Variants in MAP7D2 observed in about 807,000 individuals in gnomAD.
MAP7D2 encodes MAP7 domain containing 2.
In MAP7D2, 33 loss-of-function variants were observed where a neutral mutation model predicts 63.5. That is an observed-to-expected ratio of 0.52 (90% CI 0.39 to 0.70). The LOEUF is 0.70. MAP7D2 is among the 30% of genes least tolerant of loss of function. The pLI, the probability that MAP7D2 is intolerant of heterozygous loss-of-function variation, is 0.00. For synonymous variants in MAP7D2, 224 were observed against 223.7 expected (o/e 1.00, Z -0.01); for missense variants, 626 against 604.0 (o/e 1.04, Z -0.38).
intron 1 of MAP7D2, among the ~76,000 whole-genome samples, chrX:20,094,870 G>A (rs1424470614): frequency 4.6e-5 from 5 of 107,704 alleles, no homozygotes; most frequent in Non-Finnish European, 1.9e-5. Flanking sequence ...CCTGTTTTAA[G>A]AGTATTATAC....
At chrX:20,100,008 G>A (rs184567904) in intron 1 of MAP7D2, among the ~76,000 whole-genome samples, 7 of 111,294 alleles carry the variant, frequency 6.3e-5, no homozygotes, top group South Asian at 3.9e-4. Flanking sequence ...GATCCTGGGG[G>A]CTGAGCAGAG....
rs761609912 is a variant in MAP7D2 at position 20,080,278 on chromosome X, A to G, written c.131-15473T>C. ...GCCTTCTTCCCTGTGCGGTGGTTGC[A>G]AGATCATCTCTCCTCCACCTTCATG... On this transcript the variant is annotated intron_variant, in intron 1 of 16. Coordinates refer to ENST00000379643, the MANE Select transcript of MAP7D2 (RefSeq NM_001168465.2). Among the ~76,000 whole-genome samples the G allele has an allele frequency of 4.5e-5, 5 of 110,485 alleles. No individual in the cohort carries two copies. In the East Asian group the frequency reaches 1.4e-3, roughly 32 times the overall value.
chrX:20,074,164 G>C (rs999156325), intron 1 of MAP7D2, among the ~76,000 whole-genome samples: 2 of 107,753 alleles, frequency 1.9e-5, no homozygotes, highest in Admixed American at 2.0e-4. Context: ...AAGAAATGGA[G>C]ACTTTAAAAC....
At chrX:20,108,317 C>T (rs1282557839) in intron 1 of MAP7D2, among the ~76,000 whole-genome samples, 2 of 109,800 alleles carry the variant, frequency 1.8e-5, no homozygotes, top group African/African-American at 3.3e-5. Context: ...TCACTGCAAC[C>T]TCCACCTCCC....
At chrX:20,057,514 C>G (rs2065096155) in intron 3 of MAP7D2, among the ~76,000 whole-genome samples, 1 of 111,421 alleles carries the variant, frequency 9.0e-6, no homozygotes, top group Non-Finnish European at 1.9e-5. Context: ...TCTCTCGTAA[C>G]AGTATTTATC....
chrX:20,093,179 T>C (rs929147698), intron 1 of MAP7D2, among the ~76,000 whole-genome samples: 2 of 111,918 alleles, frequency 1.8e-5, no homozygotes, highest in Non-Finnish European at 3.8e-5. Flanking sequence ...CATCCCTGGT[T>C]TGTTGGATGA....
chrX:20,056,800 T>C lies in MAP7D2; in HGVS notation c.373-9A>G, dbSNP rs1198312484. On this transcript the variant is annotated splice_polypyrimidine_tract_variant and intron_variant, in intron 3 of 16. Coordinates refer to ENST00000379643, the MANE Select transcript of MAP7D2 (RefSeq NM_001168465.2). ...ATCGCCTCCAGCCGTTCCTACACAGTTCGTGTAAGGCAAGTGTTAACAAGA... is the reference window on the plus strand; with the variant it reads ...ATCGCCTCCAGCCGTTCCTACACAGCTCGTGTAAGGCAAGTGTTAACAAGA... The C allele has an allele frequency of 3.1e-5, 37 of 1,198,138 alleles. No homozygotes were observed. The highest frequency in any genetic ancestry group is 4.2e-5 in the Non-Finnish European group (37 of 885,336).
intron 1 of MAP7D2, among the ~76,000 whole-genome samples, chrX:20,112,399 T>C (rs374961122): frequency 1.8e-5 from 2 of 111,853 alleles, no homozygotes; most frequent in East Asian, 5.6e-4. Context: ...GTCACAAGGC[T>C]TTTAAAAACA....
At chrX:20,055,831 A>T (rs778789693) in intron 4 of MAP7D2, 1 of 956,091 alleles carries the variant, frequency 1.0e-6, no homozygotes, top group Non-Finnish European at 1.4e-6. Flanking sequence ...TTTCTGATTC[A>T]CCTACACAGC....
intron 5 of MAP7D2, chrX:20,052,477 C>T (rs909162561): frequency 8.4e-6 from 2 of 239,429 alleles, no homozygotes; most frequent in Non-Finnish European, 1.6e-5. Flanking sequence ...ATCTAAGCCT[C>T]CCATATAACT....
chrX:20,022,685 G>A (rs1299567897), intron 10 of MAP7D2, among the ~76,000 whole-genome samples: 1 of 111,897 alleles, frequency 8.9e-6, no homozygotes, highest in Non-Finnish European at 1.9e-5. Context: ...GGTGTCTGAG[G>A]AGATGGGAAC....
At chrX:20,102,942 G>A (rs1194068923) in intron 1 of MAP7D2, among the ~76,000 whole-genome samples, 1 of 111,515 alleles carries the variant, frequency 9.0e-6, no homozygotes, top group East Asian at 2.8e-4. Context: ...TCATTGTACA[G>A]ACAAGCAACT....
At chrX:20,088,015 G>C (rs2148475751) in intron 1 of MAP7D2, among the ~76,000 whole-genome samples, 2 of 102,757 alleles carry the variant, frequency 1.9e-5, no homozygotes, top group South Asian at 9.0e-4. Context: ...TCAGCCTCCT[G>C]AATAGTTGGG....
intron 1 of MAP7D2, among the ~76,000 whole-genome samples, chrX:20,095,746 A>C (rs2066240669): frequency 8.9e-6 from 1 of 111,884 alleles, no homozygotes; most frequent in Non-Finnish European, 1.9e-5. Context: ...GGATAAACAA[A>C]ATGTGGTATA....
intron 1 of MAP7D2, among the ~76,000 whole-genome samples, chrX:20,111,635 T>C (rs1221839472): frequency 1.8e-5 from 2 of 111,244 alleles, no homozygotes; most frequent in Admixed American, 1.9e-4. Flanking sequence ...TGGGGATTCT[T>C]TGTGGGGTGG....
intron 10 of MAP7D2, among the ~76,000 whole-genome samples, chrX:20,019,781 G>A (rs1055978450): frequency 9.0e-6 from 1 of 111,472 alleles, no homozygotes; most frequent in African/African-American, 3.3e-5. Flanking sequence ...GTCTACTTGC[G>A]TCTGCTTCCC....
At chrX:20,094,487 C>CATATATATATATATAT (rs1216874865) in intron 1 of MAP7D2, among the ~76,000 whole-genome samples, 1 of 15,112 alleles carries the variant, frequency 6.6e-5, no homozygotes, top group Non-Finnish European at 1.0e-4. Flanking sequence ...AAAATACATA[C>CATATATATATATATAT]ATATATATAT....
chrX:20,115,239 TAAA>T (rs748101570), intron 1 of MAP7D2, among the ~76,000 whole-genome samples: 2 of 70,062 alleles, frequency 2.9e-5, no homozygotes, highest in Admixed American at 1.6e-4. Flanking sequence ...TTGTTTCCAT[TAAA>T]AAAAAAAAAA....
chrX:20,016,407 T>C (rs1004434182), intron 10 of MAP7D2, 82 bp from the exon 11 acceptor site: 20 of 815,349 alleles, frequency 2.5e-5, no homozygotes, highest in Non-Finnish European at 3.6e-5. Context: ...CAGCCGAGAA[T>C]AATGCTCCAC....
Sources: allele counts gnomAD v4.1 joint callset (sites outside exome capture counted in the v4.1 genomes callset), GRCh38; gene constraint gnomAD v4.1.1; transcripts MANE v1.5; gene names NCBI Gene and HGNC (gene_info 2026-07-23, HGNC 2026-07-21).